The following OSBPL6 variants were observed in gnomAD, a reference collection of about 807,000 sequenced individuals.
OSBPL6 encodes the protein oxysterol-binding protein-related protein 6.
In OSBPL6, 49 loss-of-function variants were observed where a neutral mutation model predicts 125.8. The observed-to-expected ratio is 0.39, with a 90% CI of 0.31 to 0.49. OSBPL6 has a LOEUF of 0.49. Ranked by LOEUF, OSBPL6 falls within the 20% of genes least tolerant of loss-of-function variation. OSBPL6 has a pLI of 0.88. For missense variants in OSBPL6, 986 were observed against 1,135.4 expected (o/e 0.87, Z 1.89); for synonymous variants, 394 against 391.8 (o/e 1.01, Z -0.07).
intron 12 of OSBPL6, among the ~76,000 whole-genome samples, chr2:178,360,299 T>C (rs1692227574): frequency 6.6e-6 from 1 of 152,176 alleles, no homozygotes; most frequent in South Asian, 2.1e-4. Flanking sequence ...GTGAAGATTA[T>C]AGTTAATAAT....
chr2:178,327,612 C>T (rs1315469364), intron 4 of OSBPL6, among the ~76,000 whole-genome samples: 2 of 152,134 alleles, frequency 1.3e-5, no homozygotes, highest in Non-Finnish European at 1.5e-5. Flanking sequence ...TATTCATAAA[C>T]AGTGCTAACT....
At chr2:178,312,443 C>T (rs763995540) in intron 3 of OSBPL6, among the ~76,000 whole-genome samples, 3 of 150,048 alleles carry the variant, frequency 2.0e-5, no homozygotes, top group Non-Finnish European at 3.0e-5. Context: ...CAGGCATGAA[C>T]GACCATGCCC....
In OSBPL6 at chr2:178,383,117, G is replaced by A; in HGVS notation, c.1715G>A (p.Trp572Ter). Residue 572 changes from tryptophan (W) to a stop codon, truncating the protein, a stop_gained, in exon 17 of 25, where the codon TGG (tryptophan) becomes TAG (stop). Transcript: ENST00000190611. LOFTEE classifies it high-confidence loss of function. Reference sequence around the variant, plus strand: ...CCTGACACCAGTAACATTAACCTGTGGAATATCTTGAGGAACAACATTGGT... The same window carrying A: ...CCTGACACCAGTAACATTAACCTGTAGAATATCTTGAGGAACAACATTGGT... ...PCPDTSNINL[W>*]NILRNNIGKD... The A allele has an allele frequency of 6.2e-7, 1 of 1,614,144 alleles. No individual in the cohort carries two copies. Among genetic ancestry groups the A allele is most frequent in the Non-Finnish European group, 8.5e-7 (1 of 1,180,044 alleles).
At chr2:178,290,075 G>A (rs1336726570) in intron 2 of OSBPL6, among the ~76,000 whole-genome samples, 1 of 152,088 alleles carries the variant, frequency 6.6e-6, no homozygotes, top group African/African-American at 2.4e-5. Context: ...TCATGATTTT[G>A]TCAGCCAATA....
intron 15 of OSBPL6, among the ~76,000 whole-genome samples, chr2:178,380,603 A>G (rs1174450494): frequency 6.6e-6 from 1 of 152,156 alleles, no homozygotes; most frequent in Admixed American, 6.6e-5. Flanking sequence ...AAACTAATCC[A>G]GTCTTTCAGG....
At chr2:178,240,800 TAAAA>T (rs2091259063) in intron 1 of OSBPL6, among the ~76,000 whole-genome samples, 1 of 152,196 alleles carries the variant, frequency 6.6e-6, no homozygotes. Context: ...AATCACTTAA[TAAAA>T]GTTAATGTTA....
At chr2:178,237,417 C>T (rs2091100089) in intron 1 of OSBPL6, among the ~76,000 whole-genome samples, 2 of 152,070 alleles carry the variant, frequency 1.3e-5, no homozygotes, top group African/African-American at 4.8e-5. Context: ...CCTCCTGTTT[C>T]AAACAATTTG....
At chr2:178,344,707 G>C (rs534768662) in intron 11 of OSBPL6, among the ~76,000 whole-genome samples, 1 of 150,836 alleles carries the variant, frequency 6.6e-6, no homozygotes. Flanking sequence ...TGGAACTTTT[G>C]CTAACTGATT....
At position 178,244,463 on chromosome 2, in the gene OSBPL6, C is replaced by T. The variant is rs147740248; in HGVS notation, c.-350-40464C>T. 3.2e-3 allele frequency among the ~76,000 whole-genome samples: 487 copies of T among 152,216 alleles called. 7 individuals are homozygous for T. The highest frequency in any genetic ancestry group is 0.011 in the African/African-American group (449 of 41,514). On this transcript the variant is annotated intron_variant, in intron 1 of 24. Transcript: ENST00000190611. ...AAGTTCTTTTGGTTTAACACCATAC[C>T]CCCAGTTCTTAGCACTGTGTCTGGC...
intron 1 of OSBPL6, among the ~76,000 whole-genome samples, chr2:178,265,900 A>G (rs1559179008): frequency 6.6e-6 from 1 of 152,198 alleles, no homozygotes. Flanking sequence ...ATGCCTGAAA[A>G]AAATCACAGA....
chr2:178,320,554 T>C (rs1688149491), intron 3 of OSBPL6: 9 of 744,302 alleles, frequency 1.2e-5, no homozygotes, highest in South Asian at 1.9e-5. Context: ...TTACATAATG[T>C]GTGTAACACC....
intron 12 of OSBPL6, among the ~76,000 whole-genome samples, chr2:178,358,278 A>G (rs1309476812): frequency 2.6e-5 from 4 of 152,232 alleles, no homozygotes; most frequent in African/African-American, 7.2e-5. Context: ...CCACAAAAGA[A>G]TTTGATAACC....
chr2:178,211,099 C>A (rs1268061308), intron 1 of OSBPL6, among the ~76,000 whole-genome samples: 1 of 152,050 alleles, frequency 6.6e-6, no homozygotes, highest in Non-Finnish European at 1.5e-5. Context: ...TAGCAAGACC[C>A]TGTCTCTAAA....
intron 12 of OSBPL6, 108 bp downstream of exon 12, chr2:178,349,497 G>T: frequency 7.6e-7 from 1 of 1,320,498 alleles, no homozygotes; most frequent in Non-Finnish European, 1.0e-6. Context: ...AGATTAAATG[G>T]TTGGATATAG....
chr2:178,382,515 T>G lies in OSBPL6; in HGVS notation c.1621+8T>G, dbSNP rs1483088970. 2 of 1,613,976 alleles carry G rather than the reference T, an allele frequency of 1.2e-6. No homozygotes were observed. The highest frequency in any genetic ancestry group is 1.7e-6 in the Non-Finnish European group (2 of 1,180,010). On this transcript the variant is annotated splice_region_variant and intron_variant, in intron 16 of 24. Coordinates refer to ENST00000190611, the MANE Select transcript of OSBPL6 (RefSeq NM_032523.4). ...ACAATATTTCTCGGCAAAGTATGCA[T>G]CATTTGAGCTTCCAGGTTGTTCTAT...
intron 9 of OSBPL6, 51 bp from the exon 10 acceptor site, chr2:178,338,940 C>G (rs371217124): frequency 1.4e-5 from 18 of 1,326,472 alleles, no homozygotes; most frequent in Non-Finnish European, 1.9e-5. Context: ...TTACCATCCC[C>G]ACCGCTCCCT....
chr2:178,279,660 G>A (rs936808757), intron 1 of OSBPL6, among the ~76,000 whole-genome samples: 6 of 152,150 alleles, frequency 3.9e-5, no homozygotes, highest in African/African-American at 7.2e-5. Flanking sequence ...GTGTGCACGC[G>A]TGTGCATGCA....
chr2:178,365,841 T>A (rs2154101099), intron 13 of OSBPL6, among the ~76,000 whole-genome samples: 1 of 152,264 alleles, frequency 6.6e-6, no homozygotes, highest in South Asian at 2.1e-4. Flanking sequence ...GTGGCATCTA[T>A]CCCTTATAAA....
At chr2:178,267,166 C>CTCGTTGTAGGATATATGT (rs1437732991) in intron 1 of OSBPL6, among the ~76,000 whole-genome samples, 1 of 151,978 alleles carries the variant, frequency 6.6e-6, no homozygotes, top group East Asian at 1.9e-4. Context: ...CCAGCCTAGC[C>CTCGTTGTAGGATATATGT]AACATGGGGA....
Sources: allele counts gnomAD v4.1 joint callset (sites outside exome capture counted in the v4.1 genomes callset), GRCh38; gene constraint gnomAD v4.1.1; transcripts MANE v1.5; gene names NCBI Gene and HGNC (gene_info 2026-07-23, HGNC 2026-07-21).